PDE1C: variants seen among roughly 807,000 people sequenced by gnomAD.
PDE1C encodes the protein phosphodiesterase 1C, also known as dual specificity calcium/calmodulin-dependent 3',5'-cyclic nucleotide phosphodiesterase 1C.
A neutral mutation model predicts 93.1 loss-of-function variants in PDE1C; 62 were observed. The ratio of observed to expected loss-of-function variants is 0.67; its 90% CI spans 0.54 to 0.82. The LOEUF (loss-of-function observed/expected upper bound fraction) is 0.82. Ranked by LOEUF, PDE1C falls within the 40% of genes least tolerant of loss-of-function variation. PDE1C has a pLI of 0.00. For missense variants in PDE1C, 742 were observed against 884.6 expected, an observed-to-expected ratio of 0.84 and a Z score of 2.04; for synonymous variants, 325 against 310.1, an observed-to-expected ratio of 1.05 and a Z score of -0.50.
At chr7:32,417,808 A>G (rs1210763062) in intron 1 of PDE1C, among the ~76,000 whole-genome samples, 1 of 152,058 alleles carries the variant, frequency 6.6e-6, no homozygotes, top group African/African-American at 2.4e-5. Context: ...TGATATTGTA[A>G]TTCTATTATT....
chr7:32,005,978 T>A (rs1447652820), intron 2 of PDE1C, among the ~76,000 whole-genome samples: 1 of 152,224 alleles, frequency 6.6e-6, no homozygotes, highest in East Asian at 1.9e-4. Context: ...AAAGTATTCA[T>A]GAAAAATATT....
At chr7:31,859,301 T>C (rs1387563883) in intron 7 of PDE1C, among the ~76,000 whole-genome samples, 8 of 149,760 alleles carry the variant, frequency 5.3e-5, no homozygotes, top group Non-Finnish European at 7.4e-5. Flanking sequence ...TTTCAATAAA[T>C]CCCAGTATTA....
At chr7:32,091,382 G>C (rs1375981732) in intron 3 of PDE1C, among the ~76,000 whole-genome samples, 2 of 152,112 alleles carry the variant, frequency 1.3e-5, no homozygotes, top group African/African-American at 4.8e-5. Context: ...CCAGAGCTGT[G>C]GGAAAAAATG....
intron 2 of PDE1C, among the ~76,000 whole-genome samples, chr7:32,028,948 G>A (rs565867354): frequency 6.6e-6 from 1 of 152,090 alleles, no homozygotes; most frequent in Non-Finnish European, 1.5e-5. Context: ...ACAAGGTACG[G>A]AGACAATCTA....
chr7:32,196,505 G>A (rs188996610), intron 2 of PDE1C, among the ~76,000 whole-genome samples: 40 of 141,376 alleles, frequency 2.8e-4, no homozygotes, highest in Admixed American at 1.9e-3. Context: ...GTCCCAAGTC[G>A]TCTAGTCACT....
chr7:32,385,220 T>C (rs192286767), intron 1 of PDE1C, among the ~76,000 whole-genome samples: 1 of 152,308 alleles, frequency 6.6e-6, no homozygotes, highest in Admixed American at 6.5e-5. Context: ...TGCTGCATTT[T>C]TGAGGCTCCT....
intron 6 of PDE1C, among the ~76,000 whole-genome samples, chr7:31,870,035 AG>A (rs1795743836): frequency 6.6e-6 from 1 of 152,092 alleles, no homozygotes; most frequent in Non-Finnish European, 1.5e-5. Flanking sequence ...GAAATTAAGG[AG>A]AAAATAAAAA....
intron 2 of PDE1C, among the ~76,000 whole-genome samples, chr7:32,172,047 G>A (rs1416135333): frequency 1.3e-5 from 2 of 151,308 alleles, no homozygotes; most frequent in Non-Finnish European, 2.9e-5. Flanking sequence ...AAAAATAAAA[G>A]TAAATAAAAA....
intron 1 of PDE1C, among the ~76,000 whole-genome samples, chr7:32,387,634 T>C (rs867601796): frequency 0.13 from 12,321 of 94,736 alleles, 195 homozygotes; most frequent in African/African-American, 0.21. Flanking sequence ...GGGGGGCTGA[T>C]CCCCCCACCT....
the PDE1C span, among the ~76,000 whole-genome samples, chr7:31,717,668 T>C: frequency 6.6e-6 from 1 of 152,158 alleles, no homozygotes; most frequent in Non-Finnish European, 1.5e-5. Context: ...GACCAAAAAT[T>C]AAGCAGGTTC....
At chr7:32,312,632 T>C (rs1783072246) in intron 1 of PDE1C, among the ~76,000 whole-genome samples, 1 of 152,082 alleles carries the variant, frequency 6.6e-6, no homozygotes, top group African/African-American at 2.4e-5. Context: ...TTGACAAACC[T>C]GACAAAAACA....
chr7:32,077,906 G>C, intron 3 of PDE1C: 16 of 985,362 alleles, frequency 1.6e-5, no homozygotes, highest in Non-Finnish European at 1.9e-5. Flanking sequence ...GGTCCAAGAA[G>C]TCTGCCAGCT....
the PDE1C span, among the ~76,000 whole-genome samples, chr7:31,691,354 G>A: frequency 1.2e-4 from 19 of 152,288 alleles, no homozygotes; most frequent in East Asian, 3.5e-3. Context: ...CATGCTGGTT[G>A]TCAAGAAATC....
At chr7:32,389,190 G>GTGTGTGT (rs3079660) in intron 1 of PDE1C, among the ~76,000 whole-genome samples, 22 of 127,922 alleles carry the variant, frequency 1.7e-4, no homozygotes, top group South Asian at 2.9e-4. Context: ...GTGTGTGTGT[G>GTGTGTGT]GTTTTTTTGG....
chr7:31,864,407 G>A lies in PDE1C; in HGVS notation c.750+535C>T, dbSNP rs991652680. ...CCAAAAACATCTAAAGCGCTAAAATGTTGGGCCAAAAGAAGCAAGGAACAT... is the reference window on the plus strand; with the variant it reads ...CCAAAAACATCTAAAGCGCTAAAATATTGGGCCAAAAGAAGCAAGGAACAT... On this transcript the variant is annotated intron_variant, in intron 7 of 17. Transcript: ENST00000396191. Among the ~76,000 whole-genome samples the A allele has an allele frequency of 2.0e-5, 3 of 152,154 alleles. No individual in the cohort carries two copies. In the South Asian group the frequency reaches 6.2e-4, roughly 32 times the overall value.
the PDE1C span, among the ~76,000 whole-genome samples, chr7:31,674,950 T>C: frequency 6.6e-6 from 1 of 152,182 alleles, no homozygotes; most frequent in Non-Finnish European, 1.5e-5. Flanking sequence ...AGGATGTTGA[T>C]ACAAATTAGA....
intron 3 of PDE1C, among the ~76,000 whole-genome samples, chr7:32,150,220 T>C (rs750814246): frequency 2.0e-5 from 3 of 152,190 alleles, no homozygotes; most frequent in Non-Finnish European, 4.4e-5. Context: ...GGTCACATCA[T>C]TGTTGGGTGG....
intron 3 of PDE1C, among the ~76,000 whole-genome samples, chr7:32,086,501 C>A (rs1020733385): frequency 3.9e-5 from 6 of 152,054 alleles, no homozygotes; most frequent in African/African-American, 1.4e-4. Flanking sequence ...TTGGAAAAAA[C>A]TACTTTAAAC....
chr7:32,354,059 C>T (rs1783984474), intron 1 of PDE1C, among the ~76,000 whole-genome samples: 1 of 152,180 alleles, frequency 6.6e-6, no homozygotes, highest in Non-Finnish European at 1.5e-5. Flanking sequence ...TGTTTTCTTT[C>T]TCCTCTATGA....
Sources: gnomAD v4.1 joint callset for allele counts (sites outside exome capture counted in the v4.1 genomes callset) on GRCh38, gnomAD v4.1.1 for gene constraint, MANE v1.5 for transcripts, NCBI Gene and HGNC (gene_info 2026-07-23, HGNC 2026-07-21) for gene names.